LOXHD1: variants seen among roughly 807,000 people sequenced by gnomAD.
LOXHD1 encodes the protein lipoxygenase homology PLAT domains 1.
A neutral mutation model predicts 248.2 loss-of-function variants in LOXHD1; 205 were observed. That is an observed-to-expected ratio of 0.83 (90% CI 0.74 to 0.93). The LOEUF (loss-of-function observed/expected upper bound fraction) is 0.93. LOXHD1 is among the 40% of genes least tolerant of loss of function. The pLI is 0.00. For synonymous variants in LOXHD1, 1,113 were observed against 1,162.8 expected, an observed-to-expected ratio of 0.96 and a Z score of 0.87; for missense variants, 2,930 against 2,971.6, an observed-to-expected ratio of 0.99 and a Z score of 0.33.
chr18:46,609,044 C>T (rs2038464935), intron 6 of LOXHD1, among the ~76,000 whole-genome samples: 1 of 152,186 alleles, frequency 6.6e-6, no homozygotes, highest in Non-Finnish European at 1.5e-5. Flanking sequence ...CCAAGGAGGG[C>T]TCTGCTTTTT....
At chr18:46,640,077 G>A (rs529596795) in intron 3 of LOXHD1, among the ~76,000 whole-genome samples, 1 of 152,258 alleles carries the variant, frequency 6.6e-6, no homozygotes, top group South Asian at 2.1e-4. Context: ...CTTGCCGTGG[G>A]ATCATCTTGA....
At chr18:46,500,820 C>T (rs1339432009) in intron 37 of LOXHD1, among the ~76,000 whole-genome samples, 1 of 152,128 alleles carries the variant, frequency 6.6e-6, no homozygotes, top group African/African-American at 2.4e-5. Flanking sequence ...TTGCTATTCA[C>T]TCTACCTCAC....
At chr18:46,519,264 T>G (rs544986452) in intron 33 of LOXHD1, among the ~76,000 whole-genome samples, 1 of 152,346 alleles carries the variant, frequency 6.6e-6, no homozygotes, top group African/African-American at 2.4e-5. Context: ...TGAACGTACC[T>G]GGTCCAGTGT....
intron 35 of LOXHD1, 115 bp downstream of exon 35, chr18:46,509,583 T>C: frequency 1.3e-6 from 1 of 788,746 alleles, no homozygotes; most frequent in Non-Finnish European, 2.2e-6. Context: ...TGGGTTCATG[T>C]AATGATCCTC....
chr18:46,569,770 A>G, intron 15 of LOXHD1, 132 bp from the exon 16 acceptor site: 2 of 706,150 alleles, frequency 2.8e-6, no homozygotes, highest in South Asian at 4.2e-5. Flanking sequence ...TTGAAAATCC[A>G]GGCTCCTGTT....
intron 21 of LOXHD1, among the ~76,000 whole-genome samples, chr18:46,551,127 G>C (rs2143883958): frequency 1.4e-5 from 2 of 146,464 alleles, no homozygotes; most frequent in East Asian, 4.0e-4. Context: ...TTTTGAGACA[G>C]AGTCTCGCTC....
intron 4 of LOXHD1, among the ~76,000 whole-genome samples, chr18:46,634,657 A>G (rs1250382168): frequency 1.3e-5 from 2 of 151,778 alleles, no homozygotes; most frequent in African/African-American, 4.8e-5. Flanking sequence ...AATCTGGAGA[A>G]AAAAAAAATC....
At chr18:46,637,258 C>T (rs1341862029) in intron 4 of LOXHD1, among the ~76,000 whole-genome samples, 1 of 152,212 alleles carries the variant, frequency 6.6e-6, no homozygotes, top group Non-Finnish European at 1.5e-5. Flanking sequence ...GAACCTAATG[C>T]CCTCTAGCCT....
rs772340047 is a variant in LOXHD1, at chr18:46,529,297, G to A, written c.4410C>T (p.Asn1470=). ...TGGCATCCGTCCCTGCCCCAGGAAT[G>A]TTCCCTGTGAAGATCTGCACCGAGT... The part of the protein sequence containing the change: ...VLYSVQIFTG[N]IPGAGTDAKV... Residue 1470 remains asparagine (N), a synonymous_variant, in exon 29 of 41, where the codon AAC becomes AAT. Coordinates refer to ENST00000642948, the MANE Select transcript of LOXHD1 (RefSeq NM_001384474.1). The A allele has an allele frequency of 1.9e-6, 3 of 1,551,466 alleles. No individual in the cohort carries two copies. Among genetic ancestry groups the A allele is most frequent in the African/African-American group, 1.4e-5 (1 of 73,046 alleles).
At chr18:46,525,136 G>A (rs1326481357) in intron 29 of LOXHD1, among the ~76,000 whole-genome samples, 1 of 152,196 alleles carries the variant, frequency 6.6e-6, no homozygotes, top group East Asian at 1.9e-4. Flanking sequence ...TATATGTGTG[G>A]TGCCATGGAG....
intron 6 of LOXHD1, among the ~76,000 whole-genome samples, chr18:46,607,455 G>A (rs940469126): frequency 2.0e-5 from 3 of 148,640 alleles, no homozygotes; most frequent in African/African-American, 7.4e-5. Context: ...CATATATATG[G>A]GTGATAATAT....
rs998609816 is a variant in LOXHD1, at chr18:46,501,173, C to T, written c.5878+4665G>A. ...CAATCTTTGTGGATTTGGCTATTTG[C>T]TAAAATTTATTTGTAACCCTAAATT... On this transcript the variant is annotated intron_variant, in intron 37 of 40. Transcript: ENST00000642948. Among the ~76,000 whole-genome samples the T allele has an allele frequency of 3.9e-5, 6 of 152,128 alleles. No individual in the cohort carries two copies. In the East Asian group the frequency reaches 9.6e-4, roughly 24 times the overall value.
intron 37 of LOXHD1, among the ~76,000 whole-genome samples, chr18:46,490,946 G>A (rs2033429926): frequency 6.6e-6 from 1 of 152,216 alleles, no homozygotes; most frequent in Admixed American, 6.5e-5. Context: ...GGCTGTCGAA[G>A]ATTGAACTAC....
chr18:46,546,939 C>T lies in LOXHD1; in HGVS notation c.3470G>A (p.Gly1157Asp). Reference protein sequence around the residue: ...VLPQSEEGRGGGDNNPLDNLA... With the variant: ...VLPQSEEGRGDGDNNPLDNLA... ...GTTGTCGAGGGGGTTGTTGTCACCG[C>T]CTCCCCTACCCTCCTCGCTCTGTGG... The change falls in exon 22 of 41, where the codon GGC becomes GAC. Residue 1157 changes from glycine (G) to aspartate (D), a missense_variant. Transcript: ENST00000642948. The T allele has an allele frequency of 6.4e-7, 1 of 1,551,546 alleles. No homozygotes were observed. The highest frequency in any genetic ancestry group is 2.4e-5 in the East Asian group (1 of 40,914).
chr18:46,564,203 T>C (rs758597918), intron 17 of LOXHD1, among the ~76,000 whole-genome samples: 31 of 151,854 alleles, frequency 2.0e-4, no homozygotes, highest in Non-Finnish European at 3.5e-4. Context: ...AGGAAGTCAA[T>C]AGATAACGTC....
chr18:46,617,143 C>T (rs1228581157), intron 5 of LOXHD1, among the ~76,000 whole-genome samples: 1 of 152,136 alleles, frequency 6.6e-6, no homozygotes, highest in South Asian at 2.1e-4. Flanking sequence ...GAGAGGGGGT[C>T]CCAAATCACA....
chr18:46,636,381 A>G (rs186203157), intron 4 of LOXHD1, among the ~76,000 whole-genome samples: 29 of 152,276 alleles, frequency 1.9e-4, no homozygotes, highest in African/African-American at 7.0e-4. Flanking sequence ...GCTCCCTCAC[A>G]CCTGTGTCTT....
intron 24 of LOXHD1, among the ~76,000 whole-genome samples, 165 bp downstream of exon 24, chr18:46,542,562 A>T (rs8095082): frequency 1.9e-3 from 291 of 152,344 alleles, no homozygotes; most frequent in African/African-American, 6.8e-3. Context: ...CTCTGTGTGC[A>T]GCTGAGGACT....
rs371482360 is a variant in LOXHD1 at position 46,546,877 on chromosome 18, A to G, written c.3514+18T>C. On this transcript the variant is annotated intron_variant, in intron 22 of 40. Transcript: ENST00000642948. ...GGGAGGGGTGCTGGAGAAAGAAATCAGCTCTAGTTTAGAAAACCTTTCTGC... is the reference window on the plus strand; with the variant it reads ...GGGAGGGGTGCTGGAGAAAGAAATCGGCTCTAGTTTAGAAAACCTTTCTGC... 1,009 of 1,542,754 alleles carry G rather than the reference A, an allele frequency of 6.5e-4. 5 individuals are homozygous for G. The African/African-American group carries it at 0.012, about 19-fold the overall frequency.
Sources: gnomAD v4.1 joint callset for allele counts (sites outside exome capture counted in the v4.1 genomes callset) on GRCh38, gnomAD v4.1.1 for gene constraint, MANE v1.5 for transcripts, NCBI Gene and HGNC (gene_info 2026-07-23, HGNC 2026-07-21) for gene names.